The following MILR1 variants were observed in gnomAD, a reference collection of about 807,000 sequenced individuals.
The protein encoded by MILR1 is allergin-1.
Under a neutral mutation model 18.5 loss-of-function variants are expected in MILR1, and 31 were observed. The observed-to-expected ratio is 1.68, with a 90% CI of 1.26 to 2.26. The LOEUF is 2.26. Among genes scored for constraint, MILR1 ranks in the 30% most tolerant of loss-of-function variants. The pLI, the probability that MILR1 is intolerant of heterozygous loss-of-function variation, is 0.00. For missense variants in MILR1, 257 were observed against 157.4 expected (o/e 1.63, Z -3.38); for synonymous variants, 85 against 56.2 (o/e 1.51, Z -2.30).
At chr17:64,469,824 A>C (rs994714532), downstream of MILR1, among the ~76,000 whole-genome samples, 1 of 152,176 alleles carries the variant, frequency 6.6e-6, no homozygotes, top group African/African-American at 2.4e-5. Flanking sequence ...TGTGTGGCTC[A>C]GCAATTGCCA....
chr17:64,484,773 T>C, the MILR1 span, among the ~76,000 whole-genome samples: 6 of 152,330 alleles, frequency 3.9e-5, no homozygotes, highest in East Asian at 3.9e-4. Flanking sequence ...TTCTCTATGG[T>C]TATAGCAGGC....
the MILR1 span, chr17:64,490,762 T>TA: frequency 9.7e-6 from 15 of 1,549,722 alleles, no homozygotes; most frequent in Non-Finnish European, 1.3e-5. Context: ...AGAATCTGGG[T>TA]AAAAAATACA....
chr17:64,450,931 G>A, intron 2 of MILR1, among the ~76,000 whole-genome samples: 1 of 152,138 alleles, frequency 6.6e-6, no homozygotes, highest in Non-Finnish European at 1.5e-5. Flanking sequence ...GGATGCATGA[G>A]AGCTTGAAAG....
chr17:64,494,838 C>G, the MILR1 span, among the ~76,000 whole-genome samples: 4 of 152,124 alleles, frequency 2.6e-5, no homozygotes, highest in Non-Finnish European at 5.9e-5. Flanking sequence ...AACCCCAGAC[C>G]CGGAATCAGC....
chr17:64,453,010 T>G (rs2037209120), intron 3 of MILR1, 144 bp downstream of exon 3: 1 of 406,548 alleles, frequency 2.5e-6, no homozygotes, highest in Non-Finnish European at 4.4e-6. Context: ...TATTTTTTAT[T>G]TATTTTTAGA....
At chr17:64,484,140 GTAAA>G in the MILR1 span, 2 of 152,212 alleles carry the variant, frequency 1.3e-5, no homozygotes, top group African/African-American at 4.8e-5. Flanking sequence ...ATAAAAATAA[GTAAA>G]TAATATATGT....
At chr17:64,489,315 T>C in the MILR1 span, among the ~76,000 whole-genome samples, 1 of 149,896 alleles carries the variant, frequency 6.7e-6, no homozygotes, top group Non-Finnish European at 1.5e-5. Context: ...CTACAGTATA[T>C]TGCTGACCAG....
In MILR1 at chr17:64,452,660, T is replaced by A. The variant is rs2037200003; in HGVS notation, c.161T>A (p.Met54Lys). Residue 54 changes from methionine to lysine, a missense_variant, in exon 3 of 10, where the codon ATG (methionine) becomes AAG (lysine). Transcript: ENST00000619286. ...GTTATGAAGGGTCAAAATGTATCTA[T>A]GTTTTGTTCCCATAAGAACAAATCA... ...KVVMKGQNVSMFCSHKNKSLQ... is the reference protein window; with the variant it reads ...KVVMKGQNVSKFCSHKNKSLQ... The A allele has an allele frequency of 2.2e-6, 1 of 464,274 alleles. No individual in the cohort carries two copies. The highest frequency in any genetic ancestry group is 7.6e-5 in the South Asian group (1 of 13,194). 28.8% of individuals were successfully genotyped at this position (464,274 alleles called of 1,614,324 possible).
the MILR1 span, among the ~76,000 whole-genome samples, chr17:64,494,944 C>T: frequency 3.0e-3 from 456 of 149,904 alleles, 2 homozygotes; most frequent in African/African-American, 0.011. Flanking sequence ...GAGGCCGAGG[C>T]GGGCGGATCA....
At chr17:64,493,092 A>G in the MILR1 span, 2 of 1,472,508 alleles carry the variant, frequency 1.4e-6, no homozygotes, top group East Asian at 2.3e-5. Context: ...CAATAGACAC[A>G]TTAATAGTAG....
At chr17:64,497,343 C>G in the MILR1 span, among the ~76,000 whole-genome samples, 2 of 152,252 alleles carry the variant, frequency 1.3e-5, no homozygotes, top group Non-Finnish European at 2.9e-5. Context: ...TAAAATACTT[C>G]AGTATTATCC....
At chr17:64,456,707 C>G (rs1295285181) in intron 3 of MILR1, among the ~76,000 whole-genome samples, 1 of 152,058 alleles carries the variant, frequency 6.6e-6, no homozygotes, top group African/African-American at 2.4e-5. Context: ...GAGGCTGAGG[C>G]AGGAGGATCA....
At chr17:64,477,721 A>T in the MILR1 span, 2 of 1,247,856 alleles carry the variant, frequency 1.6e-6, no homozygotes, top group Non-Finnish European at 2.2e-6. Flanking sequence ...CAAGCACCAC[A>T]AATGTCCACT....
the MILR1 span, chr17:64,491,830 G>A: frequency 3.2e-5 from 14 of 439,038 alleles, no homozygotes; most frequent in Middle Eastern, 6.7e-4. Context: ...CTTCTTGGCT[G>A]CAACCCCTCC....
At chr17:64,480,320 T>C in the MILR1 span, 6 of 1,591,122 alleles carry the variant, frequency 3.8e-6, no homozygotes, top group South Asian at 3.3e-5. Context: ...GAGGACTGCA[T>C]AGTTTCCAAA....
chr17:64,469,406 C>CT (rs1325805633), downstream of MILR1, among the ~76,000 whole-genome samples: 2 of 152,036 alleles, frequency 1.3e-5, no homozygotes, highest in Non-Finnish European at 2.9e-5. Context: ...CCTCCATTTC[C>CT]TTTGTTTTGG....
intron 3 of MILR1, among the ~76,000 whole-genome samples, chr17:64,456,249 G>A (rs2037298259): frequency 6.7e-6 from 1 of 150,370 alleles, no homozygotes; most frequent in Non-Finnish European, 1.5e-5. Context: ...TGACTGGCAC[G>A]CCTGGCACAT....
the MILR1 span, chr17:64,493,099 G>C: frequency 7.0e-7 from 1 of 1,431,838 alleles, no homozygotes; most frequent in South Asian, 1.2e-5. Context: ...CACATTAATA[G>C]TAGTAATAAC....
the MILR1 span, among the ~76,000 whole-genome samples, chr17:64,476,433 AT>A: frequency 6.6e-6 from 1 of 151,992 alleles, no homozygotes; most frequent in East Asian, 1.9e-4. Flanking sequence ...TAATCCCCAT[AT>A]TTTGGGAGGC....
Sources: gnomAD v4.1 joint callset for allele counts (sites outside exome capture counted in the v4.1 genomes callset) on GRCh38, gnomAD v4.1.1 for gene constraint, MANE v1.5 for transcripts, NCBI Gene and HGNC (gene_info 2026-07-23, HGNC 2026-07-21) for gene names.